The following PCOLCE2 variants were observed in gnomAD, a reference collection of about 807,000 sequenced individuals.
PCOLCE2 encodes the protein procollagen C-proteinase enhancer 2.
PCOLCE2 carries 42 observed loss-of-function variants against 47.0 expected under a neutral mutation model. That is an observed-to-expected ratio of 0.89 (90% CI 0.70 to 1.16). The LOEUF (loss-of-function observed/expected upper bound fraction) is 1.16, where lower values mean the gene tolerates loss of function less well. Among genes scored for constraint, PCOLCE2 ranks in the 50% most tolerant of loss-of-function variants. The pLI is 0.00. For synonymous variants in PCOLCE2, 169 were observed against 191.7 expected, an observed-to-expected ratio of 0.88 and a Z score of 0.98; for missense variants, 500 against 526.1, an observed-to-expected ratio of 0.95 and a Z score of 0.49.
Position 142,888,830 on chromosome 3 carries a change from G to A in PCOLCE2, c.67C>T (p.Gln23Ter), listed in dbSNP as rs754444514. The A allele has an allele frequency of 2.6e-6, 4 of 1,543,310 alleles. No individual in the cohort carries two copies. Among genetic ancestry groups the A allele is most frequent in the Non-Finnish European group, 3.5e-6 (4 of 1,147,474 alleles). Residue 23 changes from glutamine to a stop codon, truncating the protein, a stop_gained, in exon 1 of 9, where the codon CAG (glutamine) becomes TAG (stop). Transcript: ENST00000295992. LOFTEE classifies it high-confidence loss of function. The part of the protein sequence containing the change: ...LLAAATQLSR[Q>*]QSPERPVFTC... ...TCGCGTTACCTCTCTGGGGACTGCT[G>A]CCGCGAGAGCTGGGTGGCGGCAGCC...
intron 2 of PCOLCE2, among the ~76,000 whole-genome samples, chr3:142,875,729 T>C (rs1374205856): frequency 6.6e-6 from 1 of 152,158 alleles, no homozygotes; most frequent in African/African-American, 2.4e-5. Flanking sequence ...CTCCCAACTC[T>C]GCACCACAGT....
chr3:142,825,847 C>T (rs1255655496), intron 6 of PCOLCE2, among the ~76,000 whole-genome samples: 1 of 152,130 alleles, frequency 6.6e-6, no homozygotes, highest in African/African-American at 2.4e-5. Context: ...TTTCCTGTGC[C>T]TGCCCTCAGA....
At chr3:142,853,654 C>A (rs370253202) in intron 2 of PCOLCE2, among the ~76,000 whole-genome samples, 8 of 152,318 alleles carry the variant, frequency 5.3e-5, no homozygotes, top group African/African-American at 1.9e-4. Flanking sequence ...CAGCAGAGCT[C>A]CAAAAGGCCA....
At chr3:142,844,201 C>A (rs956932544) in intron 3 of PCOLCE2, among the ~76,000 whole-genome samples, 1 of 152,132 alleles carries the variant, frequency 6.6e-6, no homozygotes, top group Non-Finnish European at 1.5e-5. Context: ...ATCCATTTCC[C>A]ACTAAATTTG....
At chr3:142,827,276 C>T (rs537412937) in intron 6 of PCOLCE2, 25 of 1,276,260 alleles carry the variant, frequency 2.0e-5, no homozygotes, top group Admixed American at 1.0e-4. Context: ...ATCCCATACT[C>T]GTGGCCACCA....
At chr3:142,887,641 G>T in intron 2 of PCOLCE2, 28 bp downstream of exon 2, 1 of 1,180,268 alleles carries the variant, frequency 8.5e-7, no homozygotes, top group Non-Finnish European at 1.3e-6. Context: ...CCCACTTCCA[G>T]GAGAATACCT....
chr3:142,845,773 GA>G (rs1937320882), intron 3 of PCOLCE2, among the ~76,000 whole-genome samples: 1 of 152,108 alleles, frequency 6.6e-6, no homozygotes, highest in South Asian at 2.1e-4. Flanking sequence ...TCAGGAGTTC[GA>G]AACCAGCCTG....
intron 2 of PCOLCE2, among the ~76,000 whole-genome samples, chr3:142,855,005 G>A (rs1933035535): frequency 6.6e-6 from 1 of 152,040 alleles, no homozygotes; most frequent in Non-Finnish European, 1.5e-5. Context: ...TCTGTTCAAG[G>A]AGCCCTCCGA....
intron 2 of PCOLCE2, among the ~76,000 whole-genome samples, chr3:142,886,181 G>C (rs1309607503): frequency 6.6e-6 from 1 of 152,128 alleles, no homozygotes; most frequent in Non-Finnish European, 1.5e-5. Context: ...CCTCTCCTGA[G>C]GCAAACCGTT....
chr3:142,859,345 G>A (rs940402746), intron 2 of PCOLCE2, among the ~76,000 whole-genome samples: 8 of 151,944 alleles, frequency 5.3e-5, no homozygotes, highest in Non-Finnish European at 1.0e-4. Context: ...TTACAGGCAT[G>A]AGCCAGCACA....
chr3:142,857,689 C>T lies in PCOLCE2; in HGVS notation c.193-9217G>A, dbSNP rs546857828. The stretch of plus-strand genomic sequence containing the variant: ...AGGACAAATGTGGACACAGGGCCAC[C>T]CTGGCCTTAGAACATCTAGGCCTCT... On this transcript the variant is annotated intron_variant, in intron 2 of 8. Coordinates refer to ENST00000295992, the MANE Select transcript of PCOLCE2 (RefSeq NM_013363.4). 1.8e-4 allele frequency among the ~76,000 whole-genome samples: 27 copies of T among 152,312 alleles called. No homozygotes were observed. In the East Asian group the frequency reaches 4.8e-3, roughly 27 times the overall value.
intron 4 of PCOLCE2, among the ~76,000 whole-genome samples, chr3:142,840,319 A>G (rs114767089): frequency 0.026 from 3,937 of 152,334 alleles, 64 homozygotes; most frequent in Middle Eastern, 0.051. Flanking sequence ...TAGGCAATCA[A>G]TCATTCCCCA....
At chr3:142,849,110 G>A (rs1046235444) in intron 2 of PCOLCE2, among the ~76,000 whole-genome samples, 5 of 151,322 alleles carry the variant, frequency 3.3e-5, no homozygotes, top group Non-Finnish European at 4.4e-5. Context: ...CCGAGATCGC[G>A]CCACTGCACT....
chr3:142,822,835 T>C (rs147222719), intron 7 of PCOLCE2, among the ~76,000 whole-genome samples: 1 of 152,160 alleles, frequency 6.6e-6, no homozygotes, highest in Non-Finnish European at 1.5e-5. Flanking sequence ...GGAAGTTTTG[T>C]TTGGGGAAAT....
intron 8 of PCOLCE2, among the ~76,000 whole-genome samples, chr3:142,820,132 G>C (rs1936996530): frequency 6.6e-6 from 1 of 151,458 alleles, no homozygotes; most frequent in African/African-American, 2.4e-5. Context: ...ATAGAAATAG[G>C]GTCTCACTAC....
intron 6 of PCOLCE2, among the ~76,000 whole-genome samples, chr3:142,825,395 G>A (rs1452052932): frequency 1.3e-5 from 2 of 152,054 alleles, no homozygotes; most frequent in African/African-American, 4.8e-5. Flanking sequence ...TCACAAAGCT[G>A]GTCCCGGTTC....
chr3:142,833,410 G>C (rs1476149878), intron 5 of PCOLCE2, among the ~76,000 whole-genome samples: 1 of 151,578 alleles, frequency 6.6e-6, no homozygotes, highest in Non-Finnish European at 1.5e-5. Context: ...TCGAACTCCT[G>C]AACTCAAATG....
At chr3:142,822,456 G>A (rs564260789) in intron 7 of PCOLCE2, among the ~76,000 whole-genome samples, 1 of 152,184 alleles carries the variant, frequency 6.6e-6, no homozygotes, top group African/African-American at 2.4e-5. Flanking sequence ...AGAATAAAGT[G>A]AACACTCACT....
intron 2 of PCOLCE2, among the ~76,000 whole-genome samples, chr3:142,871,059 G>A (rs902798897): frequency 1.3e-5 from 2 of 152,272 alleles, no homozygotes; most frequent in Admixed American, 6.5e-5. Flanking sequence ...TGCCAAAGCC[G>A]CTCCACCTCT....
Sources: gnomAD v4.1 joint callset for allele counts (sites outside exome capture counted in the v4.1 genomes callset) on GRCh38, gnomAD v4.1.1 for gene constraint, MANE v1.5 for transcripts, NCBI Gene and HGNC (gene_info 2026-07-23, HGNC 2026-07-21) for gene names.